Variants in SAMM50 observed in about 807,000 individuals in gnomAD.
SAMM50 encodes the protein sorting and assembly machinery component 50 homolog.
In SAMM50, 47 loss-of-function variants were observed where a neutral mutation model predicts 66.9. That is an observed-to-expected ratio of 0.70 (90% CI 0.56 to 0.90). The LOEUF is 0.90. Among genes scored for constraint, SAMM50 ranks in the 40% least tolerant of loss-of-function variants. The pLI is 0.00. For missense variants in SAMM50, 535 were observed against 595.3 expected (o/e 0.90, Z 1.05); for synonymous variants, 191 against 214.1 (o/e 0.89, Z 0.94).
At chr22:43,968,001 C>G (rs2050182130) in intron 3 of SAMM50, among the ~76,000 whole-genome samples, 1 of 151,996 alleles carries the variant, frequency 6.6e-6, no homozygotes, top group African/African-American at 2.4e-5. Flanking sequence ...GCAGGTGGAT[C>G]ACCTGAGGTC....
At chr22:43,982,446 T>A (rs962714962) in intron 11 of SAMM50, among the ~76,000 whole-genome samples, 6 of 152,178 alleles carry the variant, frequency 3.9e-5, no homozygotes, top group African/African-American at 1.4e-4. Context: ...CACATGAATA[T>A]GTTTAGTGGA....
chr22:43,979,535 T>A (rs1430693292), intron 10 of SAMM50, among the ~76,000 whole-genome samples: 1 of 152,298 alleles, frequency 6.6e-6, no homozygotes, highest in Admixed American at 6.5e-5. Context: ...TGAACCAATG[T>A]CGCGTTCTGA....
chr22:43,961,470 G>A (rs1196427600), intron 1 of SAMM50, among the ~76,000 whole-genome samples: 1 of 152,130 alleles, frequency 6.6e-6, no homozygotes, highest in Non-Finnish European at 1.5e-5. Flanking sequence ...TTATTTTTGA[G>A]ATGGAGTCTT....
chr22:43,976,174 A>T lies in SAMM50; in HGVS notation c.768A>T (p.Ser256=), dbSNP rs142922117. Residue 256 remains serine (S), a synonymous_variant, in exon 8 of 15, where the codon TCA becomes TCT. Coordinates refer to ENST00000350028, the MANE Select transcript of SAMM50 (RefSeq NM_015380.5). Reference sequence around the variant, plus strand: ...AAGAAAGCGGACATTCACTGAAATCATCTCTTTCGGTAACGGTTTCTCTTA... The same window carrying T: ...AAGAAAGCGGACATTCACTGAAATCTTCTCTTTCGGTAACGGTTTCTCTTA... ...VRKESGHSLK[S]SLSHAMVIDS... is the part of the protein sequence containing the mutation. 4 of 1,604,544 alleles carry T rather than the reference A, an allele frequency of 2.5e-6. No homozygotes were observed. Among genetic ancestry groups the T allele is most frequent in the Admixed American group, 3.4e-5 (2 of 59,676 alleles).
chr22:43,976,299 G>A, intron 8 of SAMM50, 116 bp downstream of exon 8: 4 of 1,260,604 alleles, frequency 3.2e-6, no homozygotes, highest in Non-Finnish European at 3.3e-6. Context: ...CAGATGGGGT[G>A]TCCACAGTGG....
At chr22:43,972,481 C>T in intron 5 of SAMM50, 139 bp downstream of exon 5, 1 of 546,994 alleles carries the variant, frequency 1.8e-6, no homozygotes. Context: ...TTTGTGGTTT[C>T]TCTTTAATCA....
At chr22:43,981,842 A>G (rs113535562) in intron 11 of SAMM50, among the ~76,000 whole-genome samples, 193 of 152,338 alleles carry the variant, frequency 1.3e-3, no homozygotes, top group African/African-American at 4.4e-3. Flanking sequence ...TGCATATACC[A>G]TAACTTTTTA....
intron 4 of SAMM50, among the ~76,000 whole-genome samples, chr22:43,969,708 A>G (rs1317328022): frequency 4.6e-5 from 7 of 152,166 alleles, no homozygotes; most frequent in Non-Finnish European, 1.5e-5. Flanking sequence ...AGGTGGGGTG[A>G]AGAATGTTCT....
chr22:43,994,738 A>C (rs1024749268), intron 14 of SAMM50, among the ~76,000 whole-genome samples: 1 of 152,140 alleles, frequency 6.6e-6, no homozygotes. Context: ...GGAGGATGCC[A>C]AGGCTGGCTT....
chr22:43,995,877 C>G (rs541370919), intron 14 of SAMM50, among the ~76,000 whole-genome samples: 1 of 152,290 alleles, frequency 6.6e-6, no homozygotes, highest in East Asian at 1.9e-4. Flanking sequence ...TCAGGCTAAA[C>G]CCCTGTAGGG....
chr22:43,991,269 C>T (rs1167844807), intron 14 of SAMM50, among the ~76,000 whole-genome samples: 2 of 151,384 alleles, frequency 1.3e-5, no homozygotes, highest in Non-Finnish European at 2.9e-5. Context: ...AGCCACCACG[C>T]CCGGCATTTT....
chr22:43,986,044 T>C (rs2050290839), intron 12 of SAMM50, among the ~76,000 whole-genome samples: 1 of 136,514 alleles, frequency 7.3e-6, no homozygotes, highest in Non-Finnish European at 1.5e-5. Context: ...TCTTTCTTTC[T>C]TTTTTTTTTT....
intron 4 of SAMM50, among the ~76,000 whole-genome samples, chr22:43,969,770 G>A (rs2050194276): frequency 6.6e-6 from 1 of 152,208 alleles, no homozygotes; most frequent in Non-Finnish European, 1.5e-5. Context: ...GTGGCTCGCT[G>A]GGTGGACCGC....
intron 3 of SAMM50, among the ~76,000 whole-genome samples, chr22:43,965,899 C>T (rs753370498): frequency 5.3e-5 from 8 of 152,108 alleles, no homozygotes; most frequent in East Asian, 1.9e-4. Context: ...AGTCCAGTGG[C>T]GTGAACACAG....
At chr22:43,989,659 A>G (rs911322643) in intron 13 of SAMM50, among the ~76,000 whole-genome samples, 2 of 152,328 alleles carry the variant, frequency 1.3e-5, no homozygotes, top group Non-Finnish European at 2.9e-5. Context: ...TTTAGATTAC[A>G]TAGTCATTAA....
rs2050275028 is a variant in SAMM50, at chr22:43,983,503, C to A, written c.1008-430C>A. On this transcript the variant is annotated intron_variant, in intron 11 of 14. Transcript: ENST00000350028. This position sits in a 1 kb window ranked among gnomAD's most constrained non-coding sequence, Gnocchi z 4.2. ...TTTGGTCTGTTTCTAGTATTATAGC[C>A]CCCCTTTTTGTAATATTGGGATTAT... Among the ~76,000 whole-genome samples the A allele has an allele frequency of 6.6e-6, 1 of 152,028 alleles. No individual in the cohort carries two copies. Among genetic ancestry groups the A allele is most frequent in the Non-Finnish European group, 1.5e-5 (1 of 68,020 alleles).
chr22:43,966,388 G>A (rs555842744), intron 3 of SAMM50, among the ~76,000 whole-genome samples: 2 of 151,192 alleles, frequency 1.3e-5, no homozygotes, highest in East Asian at 3.9e-4. Context: ...ACGGAGTTTC[G>A]CTCTTGTTGC....
rs769162112 is a variant in SAMM50, at chr22:43,968,864, CAG to C, written c.322+50_322+51del. 2.9e-6 allele frequency: 4 copies of C among 1,381,592 alleles called. No individual in the cohort carries two copies. In the East Asian group the frequency reaches 6.9e-5, roughly 24 times the overall value. The allele number at this position is 1,381,592 out of a possible 1,614,324, so 85.6% of individuals were successfully genotyped here. On this transcript the variant is annotated intron_variant, in intron 4 of 14. Coordinates refer to ENST00000350028, the MANE Select transcript of SAMM50 (RefSeq NM_015380.5). ...TCTTTATAATTCCCTTTCTGTCCAT[CAG>C]AGAAAAGCTGTTTTTATGGCCAGAT... is the stretch of plus-strand genomic sequence containing the variant.
At chr22:43,981,041 G>A (rs2050262119) in intron 10 of SAMM50, among the ~76,000 whole-genome samples, 1 of 152,228 alleles carries the variant, frequency 6.6e-6, no homozygotes, top group South Asian at 2.1e-4. Context: ...GCCTGAGCAG[G>A]TGCAGGGGGC....
Sources: allele counts gnomAD v4.1 joint callset (sites outside exome capture counted in the v4.1 genomes callset), GRCh38; gene constraint gnomAD v4.1.1; non-coding constraint Gnocchi (gnomAD v3.1); transcripts MANE v1.5; gene names NCBI Gene and HGNC (gene_info 2026-07-23, HGNC 2026-07-21).